MYO16: variants seen among roughly 807,000 people sequenced by gnomAD.
MYO16 encodes myosin XVI, also known as unconventional myosin-XVI.
Under a neutral mutation model 205.3 loss-of-function variants are expected in MYO16, and 94 were observed. That is an observed-to-expected ratio of 0.46 (90% CI 0.39 to 0.54). The LOEUF (loss-of-function observed/expected upper bound fraction) is 0.54, where lower values mean the gene tolerates loss of function less well. Among genes scored for constraint, MYO16 ranks in the 20% least tolerant of loss-of-function variants. MYO16 has a pLI of 0.00. For synonymous variants in MYO16, 988 were observed against 954.0 expected (o/e 1.04, Z -0.66); for missense variants, 2,315 against 2,387.5 (o/e 0.97, Z 0.63).
chr13:108,761,493 A>AC (rs1693552864), intron 4 of MYO16, among the ~76,000 whole-genome samples: 1 of 152,222 alleles, frequency 6.6e-6, no homozygotes, highest in African/African-American at 2.4e-5. Context: ...CCATCTATGC[A>AC]CAGGGTTTAA....
At position 108,715,985 on chromosome 13, in the gene MYO16, A is replaced by T. The variant is rs1269024270; in HGVS notation, c.363+3254A>T. 2.6e-5 allele frequency among the ~76,000 whole-genome samples: 4 copies of T among 151,710 alleles called. No individual in the cohort carries two copies. In the East Asian group the frequency reaches 7.7e-4, roughly 29 times the overall value. Reference sequence around the variant, plus strand: ...GGATACTTTTCTTAGCAAGTGATGCATAGTGAATACTTGTCCAAGGTCTCA... The same window carrying T: ...GGATACTTTTCTTAGCAAGTGATGCTTAGTGAATACTTGTCCAAGGTCTCA... On this transcript the variant is annotated intron_variant, in intron 3 of 34. Coordinates refer to ENST00000457511, the MANE Select transcript of MYO16 (RefSeq NM_001198950.3).
At chr13:109,149,053 A>G (rs1312748026) in intron 32 of MYO16, among the ~76,000 whole-genome samples, 2 of 152,166 alleles carry the variant, frequency 1.3e-5, no homozygotes, top group Non-Finnish European at 2.9e-5. Flanking sequence ...TGTACCTGGA[A>G]GCTCCTTGTT....
At chr13:108,597,072 A>G (rs1878589799) in intron 1 of MYO16, among the ~76,000 whole-genome samples, 1 of 152,326 alleles carries the variant, frequency 6.6e-6, no homozygotes, top group Admixed American at 6.5e-5. Flanking sequence ...TACATCTATT[A>G]TGCATCAATA....
At chr13:108,890,104 A>ATTTTTTTTTTTTTTTTTTT (rs60627565) in intron 14 of MYO16, among the ~76,000 whole-genome samples, 1 of 94,888 alleles carries the variant, frequency 1.1e-5, no homozygotes, top group Non-Finnish European at 1.9e-5. Flanking sequence ...TAATTTTTGT[A>ATTTTTTTTTTTTTTTTTTT]TTTTTTTTTT....
chr13:108,555,195 G>C, the MYO16 span, among the ~76,000 whole-genome samples: 3 of 152,160 alleles, frequency 2.0e-5, no homozygotes, highest in Non-Finnish European at 2.9e-5. Flanking sequence ...AGAAAGTAAA[G>C]CGTCACAGGC....
At chr13:108,858,446 G>T (rs912562935) in intron 11 of MYO16, among the ~76,000 whole-genome samples, 7 of 151,968 alleles carry the variant, frequency 4.6e-5, no homozygotes, top group African/African-American at 1.7e-4. Context: ...TTCCTCCCTG[G>T]CTCATGGCAG....
chr13:108,541,357 A>G, the MYO16 span, among the ~76,000 whole-genome samples: 2 of 151,018 alleles, frequency 1.3e-5, no homozygotes, highest in African/African-American at 4.8e-5. Flanking sequence ...ATAATTATGC[A>G]TCTATTAATT....
At chr13:108,527,296 A>G in the MYO16 span, among the ~76,000 whole-genome samples, 13 of 152,178 alleles carry the variant, frequency 8.5e-5, no homozygotes, top group African/African-American at 3.1e-4. Context: ...ACCCAAGTTC[A>G]TGATGACAAG....
intron 2 of MYO16, among the ~76,000 whole-genome samples, chr13:108,671,397 AAAATTTCTG>A (rs1881983581): frequency 6.6e-6 from 1 of 152,200 alleles, no homozygotes; most frequent in South Asian, 2.1e-4. Context: ...AAATAACACA[AAAATTTCTG>A]AAGATATCGG....
intron 1 of MYO16, among the ~76,000 whole-genome samples, chr13:108,633,444 T>G (rs1880079312): frequency 6.6e-6 from 1 of 152,144 alleles, no homozygotes; most frequent in South Asian, 2.1e-4. Context: ...GCAGGAAGCA[T>G]CCAGCATGAG....
intron 4 of MYO16, among the ~76,000 whole-genome samples, chr13:108,774,264 T>C (rs1886059343): frequency 1.3e-5 from 2 of 152,222 alleles, no homozygotes; most frequent in Non-Finnish European, 2.9e-5. Flanking sequence ...TCATATGCCA[T>C]ATGGCATGTG....
intron 27 of MYO16, among the ~76,000 whole-genome samples, chr13:109,065,103 G>T (rs555650916): frequency 1.3e-5 from 2 of 152,156 alleles, no homozygotes; most frequent in Non-Finnish European, 2.9e-5. Flanking sequence ...TATGCCTGGT[G>T]CCTCTGTTCC....
chr13:108,817,193 T>C (rs1038317856), intron 7 of MYO16, among the ~76,000 whole-genome samples: 2 of 152,194 alleles, frequency 1.3e-5, no homozygotes, highest in African/African-American at 2.4e-5. Context: ...TTTTAGAATG[T>C]TCAAAAGAGA....
chr13:108,943,881 G>T (rs150927731), intron 16 of MYO16, among the ~76,000 whole-genome samples: 1 of 152,192 alleles, frequency 6.6e-6, no homozygotes, highest in African/African-American at 2.4e-5. Flanking sequence ...CACCGCCACC[G>T]GCTTTGTTTC....
chr13:108,887,952 C>T (rs1287315310), intron 13 of MYO16, among the ~76,000 whole-genome samples: 1 of 152,106 alleles, frequency 6.6e-6, no homozygotes, highest in Admixed American at 6.5e-5. Context: ...AGCATGCTGT[C>T]TCGGGATCGC....
At chr13:108,776,319 T>G (rs753336097) in intron 4 of MYO16, among the ~76,000 whole-genome samples, 13 of 151,230 alleles carry the variant, frequency 8.6e-5, no homozygotes, top group Admixed American at 7.2e-4. Context: ...AAGGCATAGA[T>G]TACATAGAGA....
chr13:108,834,755 T>C (rs898943677), intron 9 of MYO16, among the ~76,000 whole-genome samples: 3 of 150,926 alleles, frequency 2.0e-5, no homozygotes, highest in Non-Finnish European at 4.4e-5. Flanking sequence ...TCAATGAACA[T>C]TTAATGTGTA....
At chr13:108,704,905 T>A in intron 2 of MYO16, among the ~76,000 whole-genome samples, 1 of 147,176 alleles carries the variant, frequency 6.8e-6, no homozygotes. Context: ...TCTTTGAAAA[T>A]ATCAACACAA....
intron 4 of MYO16, among the ~76,000 whole-genome samples, chr13:108,783,313 T>C (rs1886362549): frequency 1.3e-5 from 2 of 152,192 alleles, no homozygotes; most frequent in Admixed American, 6.5e-5. Context: ...TCAGACTTGC[T>C]TGGGCCCTGT....
Sources: allele counts gnomAD v4.1 joint callset (sites outside exome capture counted in the v4.1 genomes callset), GRCh38; gene constraint gnomAD v4.1.1; transcripts MANE v1.5; gene names NCBI Gene and HGNC (gene_info 2026-07-23, HGNC 2026-07-21).